Variants in GALNT13 observed in about 807,000 individuals in gnomAD.
The protein encoded by GALNT13 is UDP-GalNAc:polypeptide N-acetylgalactosaminyltransferase 13.
A neutral mutation model predicts 64.2 loss-of-function variants in GALNT13; 28 were observed. That is an observed-to-expected ratio of 0.44 (90% confidence interval 0.32 to 0.60). GALNT13 has a LOEUF of 0.60. GALNT13 is among the 20% of genes least tolerant of loss of function. GALNT13 has a pLI of 0.05. For synonymous variants in GALNT13, 214 were observed against 224.6 expected (o/e 0.95, Z 0.42); for missense variants, 577 against 669.8 (o/e 0.86, Z 1.53).
At chr2:153,965,321 TTAAC>T (rs1443945437) in intron 3 of GALNT13, among the ~76,000 whole-genome samples, 3 of 152,156 alleles carry the variant, frequency 2.0e-5, no homozygotes, top group African/African-American at 7.2e-5. Flanking sequence ...TTTGTACTCA[TTAAC>T]TAATTTTTCT....
chr2:153,118,133 ACACACACACACACC>A, the GALNT13 span, among the ~76,000 whole-genome samples: 5 of 150,332 alleles, frequency 3.3e-5, no homozygotes, highest in South Asian at 2.1e-4. Context: ...ACACACACAC[ACACACACACACACC>A]CCACATAAAC....
the GALNT13 span, chr2:153,159,749 C>T: frequency 7.9e-5 from 12 of 152,166 alleles, no homozygotes; most frequent in Non-Finnish European, 1.6e-4. Context: ...ATTTATCTAT[C>T]CCAATTGAGA....
intron 3 of GALNT13, among the ~76,000 whole-genome samples, chr2:153,971,467 G>T (rs1245773985): frequency 6.6e-6 from 1 of 152,104 alleles, no homozygotes; most frequent in Admixed American, 6.5e-5. Context: ...AATGAGGGAA[G>T]GAATACTGAG....
the GALNT13 span, among the ~76,000 whole-genome samples, chr2:153,217,849 A>AT: frequency 1.3e-5 from 2 of 151,784 alleles, no homozygotes; most frequent in Non-Finnish European, 2.9e-5. Flanking sequence ...ATATTTCTTG[A>AT]TTTTTCATAT....
chr2:153,266,321 G>A, the GALNT13 span, among the ~76,000 whole-genome samples: 1 of 152,182 alleles, frequency 6.6e-6, no homozygotes, highest in South Asian at 2.1e-4. Context: ...GAGAAAACGT[G>A]CTTCCCTATT....
intron 3 of GALNT13, among the ~76,000 whole-genome samples, chr2:154,101,045 G>A (rs1278663015): frequency 2.0e-5 from 3 of 152,068 alleles, no homozygotes; most frequent in Admixed American, 1.3e-4. Context: ...CTTGCATCGT[G>A]CAGTAGAAGC....
chr2:154,001,026 C>T (rs966597389), intron 3 of GALNT13, among the ~76,000 whole-genome samples: 2 of 151,906 alleles, frequency 1.3e-5, no homozygotes, highest in African/African-American at 2.4e-5. Context: ...GTATGGATGC[C>T]TTTATTATTA....
At chr2:153,402,884 T>A in the GALNT13 span, among the ~76,000 whole-genome samples, 1 of 152,252 alleles carries the variant, frequency 6.6e-6, no homozygotes, top group Non-Finnish European at 1.5e-5. Flanking sequence ...TGTCCTCCCG[T>A]CGCTCACAGT....
chr2:153,367,672 G>A, the GALNT13 span, among the ~76,000 whole-genome samples: 1 of 152,050 alleles, frequency 6.6e-6, no homozygotes, highest in African/African-American at 2.4e-5. Context: ...ACTGATTTTG[G>A]ATGTCTGACA....
the GALNT13 span, among the ~76,000 whole-genome samples, chr2:153,202,227 A>G: frequency 6.6e-6 from 1 of 151,286 alleles, no homozygotes; most frequent in Non-Finnish European, 1.5e-5. Context: ...CTCATGATCC[A>G]CCCGCCTCGG....
chr2:154,337,391 ATATTT>A (rs1249950751), intron 9 of GALNT13, among the ~76,000 whole-genome samples: 2 of 152,098 alleles, frequency 1.3e-5, no homozygotes, highest in Non-Finnish European at 1.5e-5. Context: ...TATATTTCAA[ATATTT>A]TATTTTTTAA....
intron 11 of GALNT13, among the ~76,000 whole-genome samples, chr2:154,435,366 C>CATAA (rs1232018955): frequency 6.6e-6 from 1 of 152,140 alleles, no homozygotes; most frequent in African/African-American, 2.4e-5. Context: ...CATAGTCAGG[C>CATAA]ATAAAGGTTT....
At chr2:153,663,768 A>G in the GALNT13 span, among the ~76,000 whole-genome samples, 127 of 152,278 alleles carry the variant, frequency 8.3e-4, 2 homozygotes, top group Admixed American at 7.3e-3. Context: ...AGAGCTGTCT[A>G]TCTGGAGTAG....
At chr2:153,526,500 G>T in the GALNT13 span, among the ~76,000 whole-genome samples, 1 of 152,202 alleles carries the variant, frequency 6.6e-6, no homozygotes, top group Admixed American at 6.5e-5. Flanking sequence ...TAGGCTTGGG[G>T]TTTCCCCTAA....
At chr2:154,398,335 C>G (rs559925328) in intron 10 of GALNT13, among the ~76,000 whole-genome samples, 1 of 152,312 alleles carries the variant, frequency 6.6e-6, no homozygotes, top group East Asian at 1.9e-4. Context: ...AAGGTGACTC[C>G]TGAGAAAGAC....
chr2:154,116,942 G>T (rs116674295), intron 3 of GALNT13, among the ~76,000 whole-genome samples: 2 of 151,898 alleles, frequency 1.3e-5, no homozygotes, highest in Non-Finnish European at 2.9e-5. Context: ...TCACACACTC[G>T]CAATGTCCCA....
intron 3 of GALNT13, among the ~76,000 whole-genome samples, chr2:154,018,305 C>G (rs542108238): frequency 2.0e-5 from 3 of 152,286 alleles, no homozygotes; most frequent in African/African-American, 7.2e-5. Flanking sequence ...GGAGAAGGAG[C>G]CACGTTTGCA....
intron 1 of GALNT13, among the ~76,000 whole-genome samples, chr2:153,896,317 C>G (rs1687893189): frequency 6.7e-6 from 1 of 150,290 alleles, no homozygotes; most frequent in African/African-American, 2.4e-5. Flanking sequence ...TTTTAAAACT[C>G]TAAAGTTGGT....
At chr2:153,867,073 T>C (rs1438961741), upstream of GALNT13, among the ~76,000 whole-genome samples, 1 of 152,226 alleles carries the variant, frequency 6.6e-6, no homozygotes, top group Admixed American at 6.5e-5. Flanking sequence ...AATCTGCAGC[T>C]GACATGGTTA....
Sources: gnomAD v4.1 joint callset for allele counts (sites outside exome capture counted in the v4.1 genomes callset) on GRCh38, gnomAD v4.1.1 for gene constraint, MANE v1.5 for transcripts, NCBI Gene and HGNC (gene_info 2026-07-23, HGNC 2026-07-21) for gene names.